Variants in CAMK2D observed in about 807,000 individuals in gnomAD.
The protein encoded by CAMK2D is calcium/calmodulin-dependent protein kinase type II subunit delta.
A neutral mutation model predicts 84.0 loss-of-function variants in CAMK2D; 37 were observed. That is an observed-to-expected ratio of 0.44 (90% CI 0.34 to 0.58). The LOEUF (loss-of-function observed/expected upper bound fraction) is 0.58, where lower values mean the gene tolerates loss of function less well. CAMK2D is among the 20% of genes least tolerant of loss of function. The pLI is 0.02. For synonymous variants in CAMK2D, 202 were observed against 212.5 expected (o/e 0.95, Z 0.43); for missense variants, 448 against 652.5 (o/e 0.69, Z 3.41).
rs546461531 is a variant in CAMK2D, at chr4:113,699,964, T to C, written c.161-38192A>G. Among the ~76,000 whole-genome samples the C allele has an allele frequency of 2.6e-5, 4 of 152,332 alleles. No individual in the cohort carries two copies. In the South Asian group the frequency reaches 8.3e-4, roughly 32 times the overall value. On this transcript the variant is annotated intron_variant, in intron 2 of 20. Transcript: ENST00000511664. ...ACTTGTTTATTTCATTTCAAATGAC[T>C]ATGTACTTAAGCATCCTACATTCCT...
At chr4:113,561,196 C>G (rs914105739) in intron 4 of CAMK2D, among the ~76,000 whole-genome samples, 1 of 152,188 alleles carries the variant, frequency 6.6e-6, no homozygotes, top group African/African-American at 2.4e-5. Context: ...CAGGGACTTA[C>G]AAGATAGGTG....
At chr4:113,620,061 A>G (rs915682536) in intron 3 of CAMK2D, among the ~76,000 whole-genome samples, 8 of 152,228 alleles carry the variant, frequency 5.3e-5, no homozygotes, top group African/African-American at 1.9e-4. Flanking sequence ...AAACTGCTGC[A>G]CTAAGAATGT....
chr4:113,664,321 T>A (rs1402085280), intron 2 of CAMK2D, among the ~76,000 whole-genome samples: 1 of 152,202 alleles, frequency 6.6e-6, no homozygotes, highest in Non-Finnish European at 1.5e-5. Context: ...AATGCATATG[T>A]ATAATCTCAC....
chr4:113,500,381 A>G lies in CAMK2D; in HGVS notation c.1135+82T>C, dbSNP rs886876467. 9.1e-5 allele frequency: 67 copies of G among 732,606 alleles called. No homozygotes were observed. The South Asian group carries it at 1.2e-3, about 14-fold the overall frequency. The allele number at this position is 732,606 out of a possible 1,614,324, so 45.4% of individuals were successfully genotyped here. A position where few individuals can be genotyped will look rare whatever the true frequency, so the allele number is the denominator to read the frequency against. On this transcript the variant is annotated intron_variant, in intron 16 of 20. Transcript: ENST00000511664. ...TAGGATAGGCCTACTTCCTAAACTT[A>G]TTAGTTATTTGAAGCACTTTTTTTT...
intron 4 of CAMK2D, among the ~76,000 whole-genome samples, chr4:113,553,154 AT>A (rs1270434109): frequency 6.6e-6 from 1 of 152,176 alleles, no homozygotes; most frequent in Non-Finnish European, 1.5e-5. Context: ...AATCCTCACA[AT>A]TGCCCGCCGA....
At chr4:113,654,718 G>C (rs2099191078) in intron 3 of CAMK2D, among the ~76,000 whole-genome samples, 1 of 151,888 alleles carries the variant, frequency 6.6e-6, no homozygotes, top group Non-Finnish European at 1.5e-5. Context: ...TTAAAGAACT[G>C]TGACTTTGGA....
At chr4:113,455,917 C>G in intron 19 of CAMK2D, 96 bp from the exon 20 acceptor site, 1 of 737,376 alleles carries the variant, frequency 1.4e-6, no homozygotes, top group Non-Finnish European at 2.4e-6. Flanking sequence ...TGCAAAAAAA[C>G]CTAAACCCCT....
intron 4 of CAMK2D, among the ~76,000 whole-genome samples, chr4:113,575,809 G>C (rs1402355552): frequency 6.6e-6 from 1 of 152,136 alleles, no homozygotes; most frequent in Non-Finnish European, 1.5e-5. Flanking sequence ...TTCTGATGAA[G>C]GGCCTGAGAG....
At chr4:113,461,417 A>G (rs190396855) in intron 17 of CAMK2D, among the ~76,000 whole-genome samples, 1 of 152,282 alleles carries the variant, frequency 6.6e-6, no homozygotes, top group East Asian at 1.9e-4. Context: ...AGAATGAGTA[A>G]GAGTTTTCCA....
At chr4:113,665,305 A>G (rs1034460073) in intron 2 of CAMK2D, among the ~76,000 whole-genome samples, 4 of 152,258 alleles carry the variant, frequency 2.6e-5, no homozygotes, top group African/African-American at 7.2e-5. Context: ...GAAATTAACA[A>G]TAATGAAAAT....
intron 13 of CAMK2D, chr4:113,508,187 C>CTAAG (rs2098157125): frequency 7.3e-7 from 1 of 1,363,024 alleles, no homozygotes; most frequent in South Asian, 1.2e-5. Context: ...ACTTTTATTC[C>CTAAG]TAAGTGTGAA....
intron 16 of CAMK2D, among the ~76,000 whole-genome samples, chr4:113,490,200 G>C (rs2097817207): frequency 6.8e-6 from 1 of 147,620 alleles, no homozygotes; most frequent in Non-Finnish European, 1.5e-5. Context: ...TGGTGTTTTA[G>C]ACATGAAGTC....
intron 2 of CAMK2D, among the ~76,000 whole-genome samples, chr4:113,731,760 T>A (rs916165087): frequency 1.3e-5 from 2 of 151,992 alleles, no homozygotes; most frequent in African/African-American, 4.8e-5. Flanking sequence ...TAATTCTTTG[T>A]ATGTTAGTAG....
intron 4 of CAMK2D, among the ~76,000 whole-genome samples, chr4:113,589,135 C>G (rs758907342): frequency 3.3e-5 from 5 of 151,338 alleles, no homozygotes; most frequent in Admixed American, 2.0e-4. Context: ...CTGAGTGGGT[C>G]AGAAGGAGAG....
Position 113,500,448 on chromosome 4 carries a change from C to G in CAMK2D, c.1135+15G>C. 1 of 1,534,162 alleles carries G rather than the reference C, an allele frequency of 6.5e-7. No individual in the cohort carries two copies. The highest frequency in any genetic ancestry group is 1.8e-5 in the Admixed American group (1 of 56,732). The stretch of plus-strand genomic sequence containing the variant: ...AGCTCTGAGGTAGGATTTTCCATTT[C>G]TGGTTAAATCATACCTTTCACATCT... On this transcript the variant is annotated intron_variant, in intron 16 of 20. Coordinates refer to ENST00000511664, the MANE Select transcript of CAMK2D (RefSeq NM_001321571.2).
intron 17 of CAMK2D, among the ~76,000 whole-genome samples, chr4:113,465,217 GA>G (rs2097443232): frequency 6.6e-6 from 1 of 152,020 alleles, no homozygotes; most frequent in African/African-American, 2.4e-5. Flanking sequence ...ACTTTTTGTA[GA>G]AACGGGGTCT....
intron 3 of CAMK2D, among the ~76,000 whole-genome samples, chr4:113,618,654 A>G (rs1365996214): frequency 1.3e-5 from 2 of 152,160 alleles, no homozygotes; most frequent in Non-Finnish European, 1.5e-5. Context: ...GCCTCTATAT[A>G]TCTATTTTTA....
intron 2 of CAMK2D, among the ~76,000 whole-genome samples, chr4:113,736,372 CA>C (rs1467510923): frequency 3.9e-5 from 6 of 152,056 alleles, no homozygotes; most frequent in African/African-American, 1.4e-4. Context: ...CCCCAGAAAT[CA>C]AAACTGTGTA....
At chr4:113,470,292 C>T (rs1003277093) in intron 16 of CAMK2D, among the ~76,000 whole-genome samples, 3 of 152,096 alleles carry the variant, frequency 2.0e-5, no homozygotes, top group African/African-American at 7.2e-5. Flanking sequence ...AAACTGCACC[C>T]CCCCCATTTT....
Sources: gnomAD v4.1 joint callset for allele counts (sites outside exome capture counted in the v4.1 genomes callset) on GRCh38, gnomAD v4.1.1 for gene constraint, MANE v1.5 for transcripts, NCBI Gene and HGNC (gene_info 2026-07-23, HGNC 2026-07-21) for gene names.